The following MYO16 variants were observed in gnomAD, a reference collection of about 807,000 sequenced individuals.
The protein encoded by MYO16 is myosin XVI, also known as unconventional myosin-XVI.
MYO16 carries 94 observed loss-of-function variants against 205.3 expected under a neutral mutation model. That is an observed-to-expected ratio of 0.46 (90% CI 0.39 to 0.54). MYO16 has a LOEUF of 0.54. Ranked by LOEUF, MYO16 falls within the 20% of genes least tolerant of loss-of-function variation. The pLI is 0.00. For missense variants in MYO16, 2,315 were observed against 2,387.5 expected (o/e 0.97, Z 0.63); for synonymous variants, 988 against 954.0 (o/e 1.04, Z -0.66).
upstream of MYO16, among the ~76,000 whole-genome samples, chr13:108,595,764 C>T (rs1024645352): frequency 6.6e-6 from 1 of 151,894 alleles, no homozygotes; most frequent in African/African-American, 2.4e-5. Context: ...CTGTGTAAAC[C>T]TTTAACTTTT....
intron 2 of MYO16, among the ~76,000 whole-genome samples, chr13:108,703,771 A>T (rs966258870): frequency 5.9e-5 from 9 of 152,330 alleles, no homozygotes; most frequent in Middle Eastern, 3.4e-3. Context: ...ATTCACAAAT[A>T]CACAAAAATT....
chr13:108,945,721 C>T (rs1424970323), intron 16 of MYO16, among the ~76,000 whole-genome samples: 1 of 152,008 alleles, frequency 6.6e-6, no homozygotes, highest in Non-Finnish European at 1.5e-5. Context: ...CATTTAGTTA[C>T]ATACATTGTT....
the MYO16 span, among the ~76,000 whole-genome samples, chr13:108,544,016 G>A: frequency 8.0e-6 from 1 of 125,670 alleles, no homozygotes; most frequent in Non-Finnish European, 1.6e-5. Context: ...AGTGAGCCGA[G>A]ATCGCACCAT....
intron 16 of MYO16, among the ~76,000 whole-genome samples, chr13:108,944,616 TA>T (rs1280466551): frequency 9.9e-5 from 15 of 152,172 alleles, no homozygotes; most frequent in African/African-American, 3.4e-4. Context: ...GTTAAGGCAT[TA>T]AAAGCAGAAA....
intron 16 of MYO16, among the ~76,000 whole-genome samples, chr13:108,922,308 G>A (rs536582435): frequency 2.4e-4 from 36 of 152,342 alleles, no homozygotes; most frequent in Middle Eastern, 3.4e-3. Flanking sequence ...GGGTGGGGCA[G>A]CCAGAACCTG....
chr13:109,060,031 G>C (rs1887540092), intron 27 of MYO16, among the ~76,000 whole-genome samples: 1 of 152,158 alleles, frequency 6.6e-6, no homozygotes, highest in South Asian at 2.1e-4. Context: ...CTCTTACACT[G>C]TTGGTGGCAG....
intron 33 of MYO16, chr13:109,166,899 G>A (rs1055475295): frequency 1.3e-5 from 2 of 152,244 alleles, no homozygotes; most frequent in African/African-American, 4.8e-5. Context: ...GAAGCTGTGT[G>A]TGGCTTAGCA....
intron 1 of MYO16, among the ~76,000 whole-genome samples, chr13:108,662,054 C>T (rs1881526157): frequency 6.6e-6 from 1 of 152,196 alleles, no homozygotes; most frequent in Non-Finnish European, 1.5e-5. Context: ...TGTTGTCTCT[C>T]TTCTGGGTCT....
At chr13:108,772,081 G>A (rs1022713680) in intron 4 of MYO16, among the ~76,000 whole-genome samples, 2 of 152,190 alleles carry the variant, frequency 1.3e-5, no homozygotes, top group Admixed American at 1.3e-4. Flanking sequence ...GGCTGGTGGG[G>A]TGGCTCATGC....
At position 108,806,742 on chromosome 13, in the gene MYO16, G is replaced by T. The variant is rs1436899616; in HGVS notation, c.805G>T (p.Asp269Tyr). ...GTCTCTTATCCTGGAACATGGTGGA[G>T]ACCTCAACATAGTAGATGATCAGTA... ...VVSLILEHGG[D>Y]LNIVDDQYWT... is the part of the protein sequence containing the mutation. The change falls in exon 7 of 35, where the codon GAC becomes TAC. Residue 269 changes from aspartate (D) to tyrosine (Y), a missense_variant. Transcript: ENST00000457511. 1.2e-6 allele frequency: 2 copies of T among 1,613,152 alleles called. No individual in the cohort carries two copies. The highest frequency in any genetic ancestry group is 1.3e-5 in the African/African-American group (1 of 74,908).
chr13:109,053,626 C>T (rs1185769060), intron 25 of MYO16, among the ~76,000 whole-genome samples: 2 of 152,068 alleles, frequency 1.3e-5, no homozygotes, highest in African/African-American at 4.8e-5. Flanking sequence ...CCCTAAAGGA[C>T]TGCAGAAGGG....
At chr13:108,830,669 G>A (rs1450821244) in intron 9 of MYO16, among the ~76,000 whole-genome samples, 2 of 150,388 alleles carry the variant, frequency 1.3e-5, no homozygotes, top group South Asian at 2.1e-4. Flanking sequence ...TAGATGACGA[G>A]TTAGTGGGTG....
At chr13:108,942,143 G>C (rs927371230) in intron 16 of MYO16, among the ~76,000 whole-genome samples, 8 of 152,104 alleles carry the variant, frequency 5.3e-5, no homozygotes, top group Non-Finnish European at 8.8e-5. Context: ...CAGTGCAGCT[G>C]GTGCTTCATT....
At chr13:108,606,180 T>C (rs1437822021) in intron 1 of MYO16, among the ~76,000 whole-genome samples, 2 of 152,198 alleles carry the variant, frequency 1.3e-5, no homozygotes, top group Non-Finnish European at 2.9e-5. Flanking sequence ...AATGTTGTGA[T>C]AGAAAAGAAA....
chr13:108,678,632 CATT>C (rs1231778824), intron 2 of MYO16, among the ~76,000 whole-genome samples: 2 of 152,192 alleles, frequency 1.3e-5, no homozygotes, highest in Non-Finnish European at 2.9e-5. Context: ...CTACAAGCAT[CATT>C]GACTCCATTA....
chr13:108,647,884 A>G (rs894613504), intron 1 of MYO16, among the ~76,000 whole-genome samples: 4 of 152,250 alleles, frequency 2.6e-5, no homozygotes, highest in African/African-American at 4.8e-5. Flanking sequence ...GATTGAATAC[A>G]TTAGCAGATG....
Position 109,092,051 on chromosome 13 carries a change from A to C in MYO16, c.3336-8734A>C, listed in dbSNP as rs542534810. On this transcript the variant is annotated intron_variant, in intron 27 of 34. Transcript: ENST00000457511. ...CTTGGCAGATTATGTTTCTCTTAGT[A>C]AGTGTTCAATAAATACTTCTCAAGT... Among the ~76,000 whole-genome samples, 22 of 152,310 alleles carry C rather than the reference A, an allele frequency of 1.4e-4. No homozygotes were observed. In the South Asian group the frequency reaches 4.6e-3, roughly 32 times the overall value.
chr13:108,738,296 G>T (rs1036160084), intron 4 of MYO16, among the ~76,000 whole-genome samples: 2 of 152,068 alleles, frequency 1.3e-5, no homozygotes. Flanking sequence ...CCCTCTACAC[G>T]CTGCTTTAAA....
intron 2 of MYO16, among the ~76,000 whole-genome samples, chr13:108,707,766 T>C (rs955441906): frequency 8.5e-5 from 13 of 152,186 alleles, no homozygotes. Context: ...CTTAGCAGTT[T>C]TTCTCAGAAT....
Sources: gnomAD v4.1 joint callset for allele counts (sites outside exome capture counted in the v4.1 genomes callset) on GRCh38, gnomAD v4.1.1 for gene constraint, MANE v1.5 for transcripts, NCBI Gene and HGNC (gene_info 2026-07-23, HGNC 2026-07-21) for gene names.